Variants in KIF16B observed in about 807,000 individuals in gnomAD.
KIF16B encodes kinesin family member 16B.
KIF16B carries 98 observed loss-of-function variants against 156.3 expected under a neutral mutation model. The observed-to-expected ratio is 0.63, with a 90% confidence interval of 0.53 to 0.74. The LOEUF is 0.74. KIF16B is among the 30% of genes least tolerant of loss of function. The pLI, the probability that KIF16B is intolerant of heterozygous loss-of-function variation, is 0.00. For missense variants in KIF16B, 1,421 were observed against 1,606.5 expected, an observed-to-expected ratio of 0.88 and a Z score of 1.97; for synonymous variants, 564 against 583.7, an observed-to-expected ratio of 0.97 and a Z score of 0.49.
chr20:16,519,137 G>C (rs1568634235), intron 3 of KIF16B, among the ~76,000 whole-genome samples: 2 of 152,114 alleles, frequency 1.3e-5, no homozygotes, highest in East Asian at 1.9e-4. Flanking sequence ...AAACAACATA[G>C]CACATATGAA....
chr20:16,340,054 T>G (rs6034459), intron 23 of KIF16B, among the ~76,000 whole-genome samples: 61,330 of 152,028 alleles, frequency 0.4, 13,468 homozygotes, highest in East Asian at 0.91. Context: ...CTTCCAGTGA[T>G]CTACAAGGAT....
intron 12 of KIF16B, among the ~76,000 whole-genome samples, chr20:16,478,416 G>A (rs6043998): frequency 0.51 from 77,383 of 151,990 alleles, 20,508 homozygotes; most frequent in African/African-American, 0.67. Context: ...AGCTAAACAT[G>A]TAATAGTCCC....
intron 25 of KIF16B, among the ~76,000 whole-genome samples, chr20:16,306,915 A>G (rs555664462): frequency 1.3e-5 from 2 of 152,338 alleles, no homozygotes; most frequent in Non-Finnish European, 2.9e-5. Flanking sequence ...CTCATTGTTC[A>G]GAGAAGGAAA....
intron 25 of KIF16B, among the ~76,000 whole-genome samples, chr20:16,291,596 C>T (rs1041810574): frequency 6.6e-5 from 10 of 152,134 alleles, no homozygotes; most frequent in African/African-American, 2.2e-4. Context: ...AGGGAAATCT[C>T]GTCATCTAGG....
chr20:16,374,910 G>A (rs1404428792), intron 19 of KIF16B, among the ~76,000 whole-genome samples: 1 of 152,162 alleles, frequency 6.6e-6, no homozygotes, highest in Non-Finnish European at 1.5e-5. Flanking sequence ...TGGAGATGAC[G>A]GCAGAAGATT....
intron 12 of KIF16B, among the ~76,000 whole-genome samples, chr20:16,454,661 C>T (rs918956443): frequency 7.3e-5 from 11 of 151,660 alleles, no homozygotes; most frequent in African/African-American, 2.7e-4. Flanking sequence ...TACTCAAATG[C>T]TGTTATTAAG....
intron 20 of KIF16B, 126 bp downstream of exon 20, chr20:16,374,131 C>T: frequency 1.1e-6 from 1 of 936,758 alleles, no homozygotes; most frequent in Non-Finnish European, 1.5e-6. Flanking sequence ...CAGAGCACAT[C>T]TCAAGCACGT....
chr20:16,397,710 A>T (rs1270417700), intron 17 of KIF16B, among the ~76,000 whole-genome samples: 1 of 152,258 alleles, frequency 6.6e-6, no homozygotes, highest in East Asian at 1.9e-4. Context: ...TGTCTACACA[A>T]TACCAAAGAA....
intron 3 of KIF16B, 63 bp downstream of exon 3, chr20:16,526,029 G>A (rs2069527178): frequency 1.1e-6 from 1 of 902,360 alleles, no homozygotes; most frequent in Non-Finnish European, 1.7e-6. Context: ...AGTATTTTAG[G>A]GTAGGCATGT....
At chr20:16,457,726 T>TA (rs1398017196) in intron 12 of KIF16B, among the ~76,000 whole-genome samples, 2 of 152,014 alleles carry the variant, frequency 1.3e-5, no homozygotes, top group African/African-American at 2.4e-5. Flanking sequence ...AGTGTGTTTA[T>TA]AAAAAATCAT....
At position 16,526,119 on chromosome 20, in the gene KIF16B, T is replaced by A. The variant is rs2069532364; in HGVS notation, c.204A>T (p.Lys68Asn). 1 of 1,603,280 alleles carries A rather than the reference T, an allele frequency of 6.2e-7. No individual in the cohort carries two copies. Among genetic ancestry groups the A allele is most frequent in the South Asian group, 1.1e-5 (1 of 88,602 alleles). ...TTTCTTGTGAAACGTAATCTGGGCT[T>A]TTTGTATCAGCAGAATAAAAAGAAA... ...YDFSFYSADT[K>N]SPDYVSQEMV... Residue 68 changes from lysine to asparagine, a missense_variant, in exon 3 of 26, where the codon AAA becomes AAT. Physicochemically the swap from Lys to Asn is moderately conservative, Grantham distance 94. Transcript: ENST00000354981.
chr20:16,423,485 CAT>C (rs2066275662), intron 15 of KIF16B, among the ~76,000 whole-genome samples: 1 of 152,114 alleles, frequency 6.6e-6, no homozygotes. Flanking sequence ...GGGGAAAACA[CAT>C]GTTTTACTTC....
At chr20:16,359,654 CAAA>C (rs577102110) in intron 22 of KIF16B, among the ~76,000 whole-genome samples, 12 of 78,698 alleles carry the variant, frequency 1.5e-4, no homozygotes, top group Non-Finnish European at 1.6e-4. Flanking sequence ...AGATTCTTTA[CAAA>C]AAAAAAAAAA....
chr20:16,297,632 C>G (rs1039982323), intron 25 of KIF16B, among the ~76,000 whole-genome samples: 5 of 148,156 alleles, frequency 3.4e-5, no homozygotes. Context: ...GGAGGCGGAG[C>G]TTGCAGTGAG....
At chr20:16,287,951 T>C (rs1465179700) in intron 25 of KIF16B, among the ~76,000 whole-genome samples, 7 of 152,194 alleles carry the variant, frequency 4.6e-5, no homozygotes, top group Non-Finnish European at 8.8e-5. Context: ...CCTCACTTGG[T>C]TGAAGCAGAA....
At chr20:16,427,649 G>A (rs571185243) in intron 14 of KIF16B, among the ~76,000 whole-genome samples, 2 of 152,064 alleles carry the variant, frequency 1.3e-5, no homozygotes, top group South Asian at 4.2e-4. Flanking sequence ...TCCATGGGTC[G>A]AGGACTTACT....
Position 16,328,162 on chromosome 20 carries a change from C to T in KIF16B, c.3711+7764G>A, listed in dbSNP as rs75703705. On this transcript the variant is annotated intron_variant, in intron 24 of 25. Coordinates refer to ENST00000354981, the MANE Select transcript of KIF16B (RefSeq NM_024704.5). ...ACCTCTTGCCTAGTCGTTTTCTTCC[C>T]TCCCACTAGTATTTACTGGGTACCC... is the stretch of plus-strand genomic sequence containing the variant. 4.4e-3 allele frequency among the ~76,000 whole-genome samples: 672 copies of T among 152,296 alleles called. 6 individuals carry two copies. The highest frequency in any genetic ancestry group is 0.015 in the African/African-American group (634 of 41,566).
chr20:16,319,193 A>G (rs1286570729), intron 24 of KIF16B, among the ~76,000 whole-genome samples: 1 of 152,220 alleles, frequency 6.6e-6, no homozygotes, highest in Non-Finnish European at 1.5e-5. Context: ...GAAAAAGGCC[A>G]TTAGGTAAAA....
intron 1 of KIF16B, among the ~76,000 whole-genome samples, chr20:16,569,747 C>T (rs2071389625): frequency 6.6e-6 from 1 of 152,170 alleles, no homozygotes; most frequent in Non-Finnish European, 1.5e-5. Flanking sequence ...TGAAACTTCT[C>T]CAGTGCCAAT....
Sources: allele counts gnomAD v4.1 joint callset (sites outside exome capture counted in the v4.1 genomes callset), GRCh38; gene constraint gnomAD v4.1.1; transcripts MANE v1.5; gene names NCBI Gene and HGNC (gene_info 2026-07-23, HGNC 2026-07-21).